Variants in NRXN1 observed in about 807,000 individuals in gnomAD.
NRXN1 encodes neurexin 1.
A neutral mutation model predicts 150.9 loss-of-function variants in NRXN1; 39 were observed. That is an observed-to-expected ratio of 0.26 (90% confidence interval 0.20 to 0.34). The LOEUF is 0.34. Ranked by LOEUF, NRXN1 falls within the 10% of genes least tolerant of loss-of-function variation. NRXN1 has a pLI of 1.00. For missense variants in NRXN1, 1,815 were observed against 1,949.9 expected, an observed-to-expected ratio of 0.93 and a Z score of 1.30; for synonymous variants, 924 against 757.0, an observed-to-expected ratio of 1.22 and a Z score of -3.62.
chr2:50,855,223 TAAAG>T (rs1461360424), intron 5 of NRXN1, among the ~76,000 whole-genome samples: 1 of 151,956 alleles, frequency 6.6e-6, no homozygotes, highest in African/African-American at 2.4e-5. Context: ...GTAGACTTCA[TAAAG>T]AAAACTCACT....
At chr2:50,997,568 C>A (rs1699491196) in intron 2 of NRXN1, among the ~76,000 whole-genome samples, 1 of 140,972 alleles carries the variant, frequency 7.1e-6, no homozygotes, top group Admixed American at 6.9e-5. Context: ...AGTGCAGTGG[C>A]ATGATCATAC....
intron 18 of NRXN1, among the ~76,000 whole-genome samples, chr2:50,228,630 A>G (rs1362490231): frequency 6.6e-6 from 1 of 152,018 alleles, no homozygotes; most frequent in African/African-American, 2.4e-5. Flanking sequence ...TAAAATTCAG[A>G]GTAAAATTTT....
chr2:50,578,305 G>T (rs76807235), intron 8 of NRXN1, among the ~76,000 whole-genome samples: 3,506 of 152,254 alleles, frequency 0.023, 141 homozygotes, highest in African/African-American at 0.079. Flanking sequence ...CTCAGTTCCA[G>T]AAAGTCCACA....
intron 17 of NRXN1, among the ~76,000 whole-genome samples, chr2:50,238,487 G>C (rs910875812): frequency 1.3e-5 from 2 of 151,968 alleles, no homozygotes; most frequent in African/African-American, 2.4e-5. Context: ...GAGAAAATAT[G>C]AAAACTTAGG....
chr2:50,329,571 T>G (rs1384626637), intron 17 of NRXN1, among the ~76,000 whole-genome samples: 1 of 119,336 alleles, frequency 8.4e-6, no homozygotes, highest in East Asian at 3.1e-4. Flanking sequence ...CTATCATATA[T>G]AACAGTAGTG....
chr2:50,220,226 T>G lies in NRXN1; in HGVS notation c.3546+16563A>C, dbSNP rs116374039. The stretch of plus-strand genomic sequence containing the variant: ...GGGAAACATATTATTTTCACTATAC[T>G]GTGATGGAAGGAAATTAATTCTGGT... On this transcript the variant is annotated intron_variant, in intron 18 of 22. Transcript: ENST00000401669. Among the ~76,000 whole-genome samples the G allele has an allele frequency of 2.1e-3, 318 of 151,208 alleles. 1 individual carries two copies. The highest frequency in any genetic ancestry group is 7.0e-3 in the African/African-American group (289 of 41,214).
intron 2 of NRXN1, among the ~76,000 whole-genome samples, chr2:50,940,905 C>T (rs1243124849): frequency 2.6e-5 from 4 of 152,090 alleles, no homozygotes; most frequent in South Asian, 2.1e-4. Flanking sequence ...CAAGTTTTGC[C>T]GGCCTGAGAT....
intron 15 of NRXN1, among the ~76,000 whole-genome samples, chr2:50,495,372 GT>G (rs2091514684): frequency 4.2e-4 from 3 of 7,112 alleles, no homozygotes; most frequent in Non-Finnish European, 1.1e-3. Flanking sequence ...GTGTGTGTGT[GT>G]GTGTGTGGTG....
intron 18 of NRXN1, among the ~76,000 whole-genome samples, chr2:50,235,645 C>A (rs146973888): frequency 6.6e-6 from 1 of 151,954 alleles, no homozygotes; most frequent in Non-Finnish European, 1.5e-5. Flanking sequence ...AACTGGTACC[C>A]GATGACCACT....
Position 49,921,734 on chromosome 2 carries a change from T to C in NRXN1, c.*210A>G. On this transcript the variant is annotated 3_prime_UTR_variant, in exon 23 of 23. Coordinates refer to ENST00000401669, the MANE Select transcript of NRXN1 (RefSeq NM_001330078.2). ...ACACTGTGGATGTTAGGGAATTTAT[T>C]GGCCCCTGTTTTTTGTTTTTTGTTT... is the stretch of plus-strand genomic sequence containing the variant. 1 of 569,762 alleles carries C rather than the reference T, an allele frequency of 1.8e-6. No homozygotes were observed. Among genetic ancestry groups the C allele is most frequent in the Non-Finnish European group, 3.1e-6 (1 of 326,394 alleles). 35.3% of individuals were successfully genotyped at this position (569,762 alleles called of 1,614,324 possible). A position where few individuals can be genotyped will look rare whatever the true frequency, so the allele number is the denominator to read the frequency against.
intron 18 of NRXN1, among the ~76,000 whole-genome samples, chr2:50,166,186 G>C (rs2059669334): frequency 6.6e-6 from 1 of 151,866 alleles, no homozygotes; most frequent in Admixed American, 6.6e-5. Flanking sequence ...TGCTCAACTT[G>C]GTAAGTGCAA....
intron 19 of NRXN1, among the ~76,000 whole-genome samples, chr2:50,071,433 C>A (rs984159333): frequency 6.6e-6 from 1 of 152,100 alleles, no homozygotes; most frequent in Non-Finnish European, 1.5e-5. Flanking sequence ...GAGGCTGTTA[C>A]GGTGGATCCT....
chr2:50,105,143 G>C (rs1425166466), intron 18 of NRXN1: 6 of 151,986 alleles, frequency 3.9e-5, no homozygotes, highest in South Asian at 2.1e-4. Flanking sequence ...AGTAGTAGGG[G>C]CCAGATGAGA....
chr2:50,091,622 G>T, intron 18 of NRXN1, 128 bp from the exon 19 acceptor site: 1 of 925,690 alleles, frequency 1.1e-6, no homozygotes, highest in Non-Finnish European at 1.7e-6. Flanking sequence ...TTTTACTTCT[G>T]AAAAACTACA....
chr2:49,964,252 C>T (rs559847758), intron 21 of NRXN1, among the ~76,000 whole-genome samples: 4 of 152,234 alleles, frequency 2.6e-5, no homozygotes, highest in African/African-American at 9.6e-5. Context: ...TAGATTTTGA[C>T]AGAAAATTAA....
At chr2:50,922,631 A>G in intron 4 of NRXN1, 27 bp downstream of exon 4, 1 of 1,608,254 alleles carries the variant, frequency 6.2e-7, no homozygotes, top group African/African-American at 1.3e-5. Flanking sequence ...CACTGAAAGC[A>G]GAGTGGAAAA....
intron 17 of NRXN1, among the ~76,000 whole-genome samples, chr2:50,238,719 T>C (rs748279146): frequency 8.6e-5 from 13 of 152,000 alleles, no homozygotes; most frequent in Non-Finnish European, 1.2e-4. Context: ...GAAGCAACTC[T>C]TCTTTGTTTT....
At chr2:50,597,009 T>C (rs941477015) in intron 8 of NRXN1, among the ~76,000 whole-genome samples, 3 of 151,556 alleles carry the variant, frequency 2.0e-5, no homozygotes, top group East Asian at 3.9e-4. Flanking sequence ...CACGCCACCA[T>C]CCAGTTAATA....
intron 17 of NRXN1, among the ~76,000 whole-genome samples, chr2:50,247,224 A>G (rs2152893397): frequency 6.6e-6 from 1 of 152,244 alleles, no homozygotes; most frequent in East Asian, 1.9e-4. Context: ...ATACCTGGGT[A>G]AGAAATAAGT....
Sources: allele counts gnomAD v4.1 joint callset (sites outside exome capture counted in the v4.1 genomes callset), GRCh38; gene constraint gnomAD v4.1.1; transcripts MANE v1.5; gene names NCBI Gene and HGNC (gene_info 2026-07-23, HGNC 2026-07-21).